SCAPER: variants seen among roughly 807,000 people sequenced by gnomAD.
SCAPER encodes S-phase cyclin A associated protein in the ER.
Under a neutral mutation model 182.2 loss-of-function variants are expected in SCAPER, and 98 were observed. The observed-to-expected ratio is 0.54, with a 90% CI of 0.46 to 0.64. The LOEUF (loss-of-function observed/expected upper bound fraction) is 0.64, where lower values mean the gene tolerates loss of function less well. Among genes scored for constraint, SCAPER ranks in the 30% least tolerant of loss-of-function variants. The pLI is 0.00. For synonymous variants in SCAPER, 605 were observed against 564.6 expected, an observed-to-expected ratio of 1.07 and a Z score of -1.01; for missense variants, 1,432 against 1,690.0, an observed-to-expected ratio of 0.85 and a Z score of 2.68.
At chr15:76,562,288 A>AGT (rs2145167524) in intron 23 of SCAPER, among the ~76,000 whole-genome samples, 1 of 152,228 alleles carries the variant, frequency 6.6e-6, no homozygotes, top group African/African-American at 2.4e-5. Context: ...ATAAAAGACA[A>AGT]TATTGATAAA....
rs1454167014 is a variant in SCAPER at position 76,731,677 on chromosome 15, ACTAT to A, written c.2022+1548_2022+1551del. ...TGTTATCTACCAGTGGATTTTTCTG[ACTAT>A]CTATCTCAGTATATCTCAAGCATAT... On this transcript the variant is annotated intron_variant, in intron 16 of 31. Coordinates refer to ENST00000563290, the MANE Select transcript of SCAPER (RefSeq NM_020843.4). Among the ~76,000 whole-genome samples the A allele has an allele frequency of 3.3e-5, 5 of 152,338 alleles. 1 individual carries two copies. Among genetic ancestry groups the A allele is most frequent in the Admixed American group, 1.3e-4 (2 of 15,298 alleles).
intron 17 of SCAPER, among the ~76,000 whole-genome samples, chr15:76,707,462 C>T (rs279991): frequency 0.97 from 147,547 of 152,198 alleles, 71,668 homozygotes; most frequent in South Asian, 1. Flanking sequence ...ATAGTAGATA[C>T]GGCTATATTT....
chr15:76,717,678 A>G (rs576998025), intron 17 of SCAPER, among the ~76,000 whole-genome samples: 25 of 152,268 alleles, frequency 1.6e-4, no homozygotes, highest in African/African-American at 5.8e-4. Flanking sequence ...ACAAAAAACT[A>G]TAGCAAATAT....
At chr15:76,875,948 C>T (rs948203419) in intron 2 of SCAPER, among the ~76,000 whole-genome samples, 56 of 152,266 alleles carry the variant, frequency 3.7e-4, no homozygotes, top group African/African-American at 1.3e-3. Flanking sequence ...TCAGGCATGG[C>T]GGGCTGCAGG....
intron 20 of SCAPER, among the ~76,000 whole-genome samples, chr15:76,699,315 G>C (rs1297894234): frequency 1.3e-5 from 2 of 152,170 alleles, no homozygotes; most frequent in Non-Finnish European, 2.9e-5. Context: ...TAGGAGTGGC[G>C]AGAGTGGGAA....
chr15:76,448,199 A>G (rs1467031386), intron 25 of SCAPER, among the ~76,000 whole-genome samples: 1 of 152,184 alleles, frequency 6.6e-6, no homozygotes, highest in Non-Finnish European at 1.5e-5. Context: ...AGTGACATGA[A>G]AAGTTTTCAT....
intron 4 of SCAPER, among the ~76,000 whole-genome samples, chr15:76,854,887 G>T (rs574710602): frequency 6.6e-6 from 1 of 151,390 alleles, no homozygotes; most frequent in South Asian, 2.1e-4. Context: ...TAGGAGAATG[G>T]CCTGAACCCA....
At chr15:76,540,320 T>G (rs1163783752) in intron 23 of SCAPER, among the ~76,000 whole-genome samples, 2 of 151,852 alleles carry the variant, frequency 1.3e-5, no homozygotes, top group Non-Finnish European at 2.9e-5. Flanking sequence ...GAGAATTGCT[T>G]GAGCCCAGGA....
intron 17 of SCAPER, among the ~76,000 whole-genome samples, chr15:76,722,453 G>A (rs970560448): frequency 6.6e-6 from 1 of 152,214 alleles, no homozygotes; most frequent in Non-Finnish European, 1.5e-5. Context: ...AAATGAGTTA[G>A]AGAGGATTCC....
At chr15:76,663,413 T>C (rs1406596504) in intron 21 of SCAPER, among the ~76,000 whole-genome samples, 1 of 152,094 alleles carries the variant, frequency 6.6e-6, no homozygotes, top group Non-Finnish European at 1.5e-5. Context: ...GAAATAAAAA[T>C]ATTTGTTCAC....
Position 76,767,053 on chromosome 15 carries a change from T to A in SCAPER, c.1284A>T (p.Leu428=). Residue 428 remains leucine (L), a synonymous_variant, in exon 11 of 32, where the codon CTA becomes CTT. Transcript: ENST00000563290. ...MAEVLAKKEE[L]ADRLEKANEE... is the part of the protein sequence containing the mutation. ...CATTGGCCTTTTCTAGACGATCTGCTAGCTCTTCTTTTTTAGCAAGGACTT... is the reference window on the plus strand; with the variant it reads ...CATTGGCCTTTTCTAGACGATCTGCAAGCTCTTCTTTTTTAGCAAGGACTT... 2 of 1,598,978 alleles carry A rather than the reference T, an allele frequency of 1.3e-6. No homozygotes were observed. Among genetic ancestry groups the A allele is most frequent in the Non-Finnish European group, 1.7e-6 (2 of 1,172,158 alleles).
At chr15:76,717,536 T>C (rs1251438610) in intron 17 of SCAPER, among the ~76,000 whole-genome samples, 2 of 152,052 alleles carry the variant, frequency 1.3e-5, no homozygotes, top group East Asian at 3.8e-4. Context: ...ACGTAACTTG[T>C]GGGATGGACA....
chr15:76,705,311 C>T (rs1436760995), intron 18 of SCAPER, among the ~76,000 whole-genome samples: 1 of 147,880 alleles, frequency 6.8e-6, no homozygotes, highest in East Asian at 2.0e-4. Context: ...AAAAACCAAA[C>T]ACCGCATGTT....
At chr15:76,714,560 T>C (rs558317107) in intron 17 of SCAPER, among the ~76,000 whole-genome samples, 113 of 149,608 alleles carry the variant, frequency 7.6e-4, no homozygotes, top group Non-Finnish European at 6.2e-4. Context: ...GTAGTAGTAG[T>C]AGTAGCAGTA....
At chr15:76,717,273 G>A (rs1305816566) in intron 17 of SCAPER, among the ~76,000 whole-genome samples, 1 of 151,994 alleles carries the variant, frequency 6.6e-6, no homozygotes, top group East Asian at 1.9e-4. Context: ...CTAGACCTGT[G>A]TTACATGAAA....
intron 26 of SCAPER, among the ~76,000 whole-genome samples, chr15:76,409,954 A>ATT (rs534239321): frequency 3.0e-4 from 41 of 137,066 alleles, no homozygotes; most frequent in Admixed American, 4.4e-4. Context: ...GGCCTGGCTA[A>ATT]TTTTTTTTTT....
intron 26 of SCAPER, among the ~76,000 whole-genome samples, chr15:76,430,733 T>C (rs957443932): frequency 6.6e-6 from 1 of 152,132 alleles, no homozygotes; most frequent in African/African-American, 2.4e-5. Context: ...TTGACTCAGA[T>C]GAGATGTTGT....
chr15:76,723,906 C>T (rs1383865199), intron 17 of SCAPER, among the ~76,000 whole-genome samples: 1 of 152,126 alleles, frequency 6.6e-6, no homozygotes. Context: ...TTAATTGGAG[C>T]ATTTAGCCCA....
intron 5 of SCAPER, among the ~76,000 whole-genome samples, chr15:76,821,292 C>T (rs985433057): frequency 6.6e-6 from 1 of 152,138 alleles, no homozygotes; most frequent in African/African-American, 2.4e-5. Flanking sequence ...ATATTGCTCA[C>T]GGCTAAGAAG....
Sources: gnomAD v4.1 joint callset for allele counts (sites outside exome capture counted in the v4.1 genomes callset) on GRCh38, gnomAD v4.1.1 for gene constraint, MANE v1.5 for transcripts, NCBI Gene and HGNC (gene_info 2026-07-23, HGNC 2026-07-21) for gene names.